PIGH: variants seen among roughly 807,000 people sequenced by gnomAD.
The protein encoded by PIGH is phosphatidylinositol glycan anchor biosynthesis class H, also known as phosphatidylinositol N-acetylglucosaminyltransferase subunit H.
Under a neutral mutation model 20.1 loss-of-function variants are expected in PIGH, and 11 were observed. The observed-to-expected ratio is 0.55, with a 90% CI of 0.34 to 0.91. PIGH has a LOEUF of 0.91. Ranked by LOEUF, PIGH falls within the 40% of genes least tolerant of loss-of-function variation. The pLI, the probability that PIGH is intolerant of heterozygous loss-of-function variation, is 0.02. For synonymous variants in PIGH, 72 were observed against 93.1 expected (o/e 0.77, Z 1.31); for missense variants, 189 against 233.6 (o/e 0.81, Z 1.24).
intron 2 of PIGH, 35 bp downstream of exon 2, chr14:67,593,708 G>T: frequency 2.3e-6 from 3 of 1,317,982 alleles, no homozygotes; most frequent in Non-Finnish European, 3.3e-6. Flanking sequence ...ACCTCCTCCA[G>T]AGAGGCCTGT....
intron 1 of PIGH, among the ~76,000 whole-genome samples, chr14:67,597,439 C>T (rs991195419): frequency 4.6e-5 from 7 of 151,556 alleles, no homozygotes; most frequent in Non-Finnish European, 2.9e-5. Flanking sequence ...ATTCACACCA[C>T]TACACTCCAG....
intron 1 of PIGH, among the ~76,000 whole-genome samples, chr14:67,595,277 A>C (rs1455947825): frequency 6.6e-6 from 1 of 152,230 alleles, no homozygotes; most frequent in Non-Finnish European, 1.5e-5. Flanking sequence ...TAAAGTGAAA[A>C]ACAATGTTTG....
intron 1 of PIGH, among the ~76,000 whole-genome samples, chr14:67,594,578 C>T (rs779907984): frequency 6.6e-6 from 1 of 151,180 alleles, no homozygotes; most frequent in Non-Finnish European, 1.5e-5. Flanking sequence ...ACCTGGGAGG[C>T]GGAGGCGGAG....
chr14:67,593,671 A>T lies in PIGH; in HGVS notation c.390+72T>A, dbSNP rs1172984327. ...GTCTCACTTTTACGGTTTTAGTTTA[A>T]ATCTGGGAACATCCCATGGGCTGGC... is the stretch of plus-strand genomic sequence containing the variant. On this transcript the variant is annotated intron_variant, in intron 2 of 3. Transcript: ENST00000216452. The T allele has an allele frequency of 1.5e-5, 13 of 855,630 alleles. No individual in the cohort carries two copies. The East Asian group carries it at 3.2e-4, about 21-fold the overall frequency. 53.0% of individuals were successfully genotyped at this position (855,630 alleles called of 1,614,324 possible). A position where few individuals can be genotyped will look rare whatever the true frequency, so the allele number is the denominator to read the frequency against.
rs2036544315 is a variant in PIGH at position 67,599,907 on chromosome 14, T to A, written c.180+117A>T. 10 of 787,316 alleles carry A rather than the reference T, an allele frequency of 1.3e-5. 1 individual carries two copies. In the South Asian group the frequency reaches 1.9e-4, roughly 15 times the overall value. 48.8% of individuals were successfully genotyped at this position (787,316 alleles called of 1,614,324 possible). ...CAGAACCCGTGAGTTCCCGCCCTCCTGTCCTATCACTGTAGGAGGGGCCGA... is the reference window on the plus strand; with the variant it reads ...CAGAACCCGTGAGTTCCCGCCCTCCAGTCCTATCACTGTAGGAGGGGCCGA... On this transcript the variant is annotated intron_variant, in intron 1 of 3. Transcript: ENST00000216452.
At chr14:67,599,920 T>C (rs1367620049) in intron 1 of PIGH, 104 bp downstream of exon 1, 1 of 928,822 alleles carries the variant, frequency 1.1e-6, no homozygotes, top group East Asian at 2.7e-5. Context: ...CCTATCACTG[T>C]AGGAGGGGCC....
At chr14:67,594,217 C>G (rs1468409095) in intron 1 of PIGH, among the ~76,000 whole-genome samples, 1 of 152,196 alleles carries the variant, frequency 6.6e-6, no homozygotes, top group African/African-American at 2.4e-5. Context: ...AACGCAGTAG[C>G]TTGCACCTGT....
chr14:67,590,249 A>ATTTTT (rs34186099), intron 3 of PIGH, 77 bp from the exon 4 acceptor site: 8 of 733,392 alleles, frequency 1.1e-5, no homozygotes, highest in South Asian at 2.6e-5. Context: ...CCACTTGCAA[A>ATTTTT]TTTTTTTTTT....
chr14:67,599,782 A>AC (rs1198423159), intron 1 of PIGH, among the ~76,000 whole-genome samples: 11 of 152,282 alleles, frequency 7.2e-5, no homozygotes, highest in Admixed American at 6.5e-5. Flanking sequence ...GAGTGAACCC[A>AC]CGGAGCAGAG....
At chr14:67,592,331 T>C in intron 3 of PIGH, 1 of 435,390 alleles carries the variant, frequency 2.3e-6, no homozygotes, top group South Asian at 2.1e-5. Flanking sequence ...TCCCAAGTTC[T>C]CAGGAGGCTG....
At chr14:67,590,251 T>C in intron 3 of PIGH, 79 bp from the exon 4 acceptor site, 1 of 278,866 alleles carries the variant, frequency 3.6e-6, no homozygotes, top group Non-Finnish European at 5.0e-6. Flanking sequence ...ACTTGCAAAT[T>C]TTTTTTTTTT....
intron 1 of PIGH, among the ~76,000 whole-genome samples, chr14:67,597,760 T>TA (rs771735104): frequency 3.6e-3 from 211 of 58,208 alleles, no homozygotes; most frequent in Non-Finnish European, 5.3e-3. Flanking sequence ...AAGAAAAGTT[T>TA]AAAAAAAAAA....
In PIGH at chr14:67,600,190, C is replaced by G; in HGVS notation, c.14G>C (p.Arg5Pro). 6.3e-7 allele frequency: 1 copy of G among 1,580,576 alleles called. No individual in the cohort carries two copies. Among genetic ancestry groups the G allele is most frequent in the Admixed American group, 1.8e-5 (1 of 56,312 alleles). Residue 5 changes from arginine (R) to proline (P), a missense_variant, in exon 1 of 4, where the codon CGG (arginine) becomes CCG (proline). By Grantham distance (103) the Arg-to-Pro change is moderately radical. Transcript: ENST00000216452. ...GCCGCCGCAGATATCCGAAAAGCTCCGCTCATCCTCCATGACGCCCCCACT... is the reference window on the plus strand; with the variant it reads ...GCCGCCGCAGATATCCGAAAAGCTCGGCTCATCCTCCATGACGCCCCCACT... MEDE[R>P]SFSDICGGRL...
At chr14:67,593,978 G>C (rs181784449) in intron 1 of PIGH, 26 bp from the exon 2 acceptor site, 2 of 1,509,280 alleles carry the variant, frequency 1.3e-6, no homozygotes, top group Non-Finnish European at 1.8e-6. Flanking sequence ...GACACAGACA[G>C]TAAGATTACC....
intron 1 of PIGH, among the ~76,000 whole-genome samples, chr14:67,594,981 C>A (rs1020719636): frequency 6.6e-6 from 1 of 151,648 alleles, no homozygotes; most frequent in Non-Finnish European, 1.5e-5. Flanking sequence ...ACTAAAAATA[C>A]TAAAAGTTAG....
At chr14:67,594,998 G>A (rs549456729) in intron 1 of PIGH, among the ~76,000 whole-genome samples, 4 of 152,018 alleles carry the variant, frequency 2.6e-5, no homozygotes, top group Non-Finnish European at 5.9e-5. Context: ...TTAGCCGGGC[G>A]TAGTGGCAGG....
Position 67,593,884 on chromosome 14 carries a change from C to T in PIGH, c.249G>A (p.Val83=). The change falls in exon 2 of 4, where the codon GTG becomes GTA. Residue 83 remains valine, a synonymous_variant. Coordinates refer to ENST00000216452, the MANE Select transcript of PIGH (RefSeq NM_004569.5). ...TTAACAGAGTCTCCTGATCAATCTTCACAAAATGGAGATAACCAAGCAGAC... is the reference window on the plus strand; with the variant it reads ...TTAACAGAGTCTCCTGATCAATCTTTACAAAATGGAGATAACCAAGCAGAC... The part of the protein sequence containing the change: ...LLGLLGYLHF[V]KIDQETLLII... 6.2e-7 allele frequency: 1 copy of T among 1,613,536 alleles called. No homozygotes were observed. The highest frequency in any genetic ancestry group is 8.5e-7 in the Non-Finnish European group (1 of 1,179,568).
intron 3 of PIGH, among the ~76,000 whole-genome samples, chr14:67,590,979 GA>G (rs1321110155): frequency 3.3e-5 from 5 of 151,880 alleles, no homozygotes; most frequent in African/African-American, 1.2e-4. Flanking sequence ...TTTACACAAT[GA>G]AATGTAATAA....
chr14:67,597,965 G>A (rs778854206), intron 1 of PIGH, among the ~76,000 whole-genome samples: 6 of 151,618 alleles, frequency 4.0e-5, no homozygotes, highest in Admixed American at 6.6e-5. Context: ...AGGAATGAAG[G>A]GATGAAGAAC....
Sources: gnomAD v4.1 joint callset for allele counts (sites outside exome capture counted in the v4.1 genomes callset) on GRCh38, gnomAD v4.1.1 for gene constraint, MANE v1.5 for transcripts, NCBI Gene and HGNC (gene_info 2026-07-23, HGNC 2026-07-21) for gene names.